Variants in PHACTR3 observed in about 807,000 individuals in gnomAD.
PHACTR3 encodes the protein phosphatase and actin regulator 3, also known as protein phosphatase 1, regulatory subunit 123.
In PHACTR3, 16 loss-of-function variants were observed where a neutral mutation model predicts 66.8. The ratio of observed to expected loss-of-function variants is 0.24; its 90% CI spans 0.16 to 0.36. PHACTR3 has a LOEUF of 0.36. Ranked by LOEUF, PHACTR3 falls within the 10% of genes least tolerant of loss-of-function variation. The pLI, the probability that PHACTR3 is intolerant of heterozygous loss-of-function variation, is 1.00. For missense variants in PHACTR3, 647 were observed against 719.9 expected (o/e 0.90, Z 1.16); for synonymous variants, 323 against 292.1 (o/e 1.11, Z -1.08).
chr20:59,822,861 C>T (rs56036172), intron 8 of PHACTR3, among the ~76,000 whole-genome samples: 92 of 152,246 alleles, frequency 6.0e-4, no homozygotes, highest in Admixed American at 1.4e-3. Flanking sequence ...GAGCGGCGGG[C>T]TGTTCAGGTC....
Position 59,593,663 on chromosome 20 carries a change from A to T in PHACTR3, c.109+16046A>T, listed in dbSNP as rs2033249106. 3.9e-5 allele frequency among the ~76,000 whole-genome samples: 6 copies of T among 152,272 alleles called. No homozygotes were observed. In the South Asian group the frequency reaches 1.2e-3, roughly 32 times the overall value. ...CATTTAGTTCTATGATATATTTTGA[A>T]TTAATTTTTGTGAAGGGTGTAAGGC... On this transcript the variant is annotated intron_variant, in intron 1 of 12. Transcript: ENST00000359926.
rs1364116410 is a variant in PHACTR3, at chr20:59,767,453, TATCCTACATTCATCCACCCATCC to T, written c.751+62_751+84del. On this transcript the variant is annotated intron_variant, in intron 5 of 12. Transcript: ENST00000371015. ...CCTTTCTCTGCCCCATCCATCCATC[TATCCTACATTCATCCACCCATCC>T]ATCATCTATCTATTTATTCACCCAT... 22 of 1,512,268 alleles carry T rather than the reference TATCCTACATTCATCCACCCATCC, an allele frequency of 1.5e-5. No homozygotes were observed. The African/African-American group carries it at 2.9e-4, about 20-fold the overall frequency. 93.7% of individuals were successfully genotyped at this position (1,512,268 alleles called of 1,614,324 possible).
chr20:59,632,959 G>A (rs1444382901), intron 1 of PHACTR3, among the ~76,000 whole-genome samples: 5 of 152,164 alleles, frequency 3.3e-5, no homozygotes, highest in Non-Finnish European at 7.3e-5. Context: ...TGCTGAGAAA[G>A]ACTGGCCTGC....
chr20:59,631,548 G>A, intron 1 of PHACTR3, among the ~76,000 whole-genome samples: 1 of 152,096 alleles, frequency 6.6e-6, no homozygotes, highest in Non-Finnish European at 1.5e-5. Flanking sequence ...GGGTGGGCAG[G>A]AGTTGCCAAC....
intron 1 of PHACTR3, among the ~76,000 whole-genome samples, chr20:59,682,044 T>A (rs1225078941): frequency 5.7e-5 from 8 of 140,800 alleles, no homozygotes; most frequent in African/African-American, 2.1e-4. Flanking sequence ...AAGAAAAAAA[T>A]AATCAGGCCT....
At chr20:59,734,260 CAATT>C (rs985897702) in intron 1 of PHACTR3, among the ~76,000 whole-genome samples, 17 of 152,228 alleles carry the variant, frequency 1.1e-4, no homozygotes, top group African/African-American at 3.9e-4. Context: ...AATGTAGAAT[CAATT>C]AATTTTTTTA....
chr20:59,723,103 TTTC>T (rs2038405085), intron 1 of PHACTR3, among the ~76,000 whole-genome samples: 1 of 149,182 alleles, frequency 6.7e-6, no homozygotes, highest in Non-Finnish European at 1.5e-5. Context: ...TCTTTCTTTC[TTTC>T]TTTCTTTCTT....
chr20:59,609,740 T>C (rs1459299569), intron 1 of PHACTR3, among the ~76,000 whole-genome samples: 1 of 152,198 alleles, frequency 6.6e-6, no homozygotes, highest in African/African-American at 2.4e-5. Flanking sequence ...TGTTCTCTTA[T>C]TCTGGAGTCC....
intron 1 of PHACTR3, among the ~76,000 whole-genome samples, chr20:59,685,484 GGTT>G (rs1568709945): frequency 6.6e-6 from 1 of 152,154 alleles, no homozygotes; most frequent in African/African-American, 2.4e-5. Context: ...CGTCTGGTAG[GGTT>G]GTTCTGAAGG....
At chr20:59,595,261 G>A (rs2033292978) in intron 1 of PHACTR3, among the ~76,000 whole-genome samples, 1 of 152,068 alleles carries the variant, frequency 6.6e-6, no homozygotes, top group African/African-American at 2.4e-5. Flanking sequence ...AGGAGTTCGA[G>A]ACCAGCCTGT....
At chr20:59,685,712 G>A (rs756411341) in intron 1 of PHACTR3, among the ~76,000 whole-genome samples, 6 of 152,140 alleles carry the variant, frequency 3.9e-5, no homozygotes, top group Admixed American at 6.5e-5. Context: ...CTTACCATTC[G>A]GTCAGCCCAT....
intron 9 of PHACTR3, among the ~76,000 whole-genome samples, chr20:59,839,017 A>T (rs1239786661): frequency 6.6e-6 from 1 of 151,872 alleles, no homozygotes; most frequent in Non-Finnish European, 1.5e-5. Flanking sequence ...CCTTCGTAGT[A>T]ATTATGGCAT....
intron 1 of PHACTR3, among the ~76,000 whole-genome samples, chr20:59,584,163 G>GT (rs1385671995): frequency 2.0e-5 from 3 of 152,228 alleles, no homozygotes; most frequent in African/African-American, 4.8e-5. Context: ...AGTGCCTTGG[G>GT]TGGTGCCCTT....
At chr20:59,584,962 C>A (rs547355620) in intron 1 of PHACTR3, among the ~76,000 whole-genome samples, 38 of 152,082 alleles carry the variant, frequency 2.5e-4, no homozygotes, top group Admixed American at 8.5e-4. Context: ...TTAAAAAACG[C>A]CTTCTCCAAA....
chr20:59,676,800 A>G, intron 1 of PHACTR3: 1 of 924,196 alleles, frequency 1.1e-6, no homozygotes, highest in Non-Finnish European at 1.3e-6. Flanking sequence ...GGTGAGGCAG[A>G]GGGCAGGGAC....
intron 1 of PHACTR3, among the ~76,000 whole-genome samples, chr20:59,610,411 C>T (rs961143421): frequency 6.6e-6 from 1 of 152,208 alleles, no homozygotes; most frequent in African/African-American, 2.4e-5. Flanking sequence ...CCAGGGGCAC[C>T]GTCCAGCCTC....
intron 1 of PHACTR3, among the ~76,000 whole-genome samples, chr20:59,740,063 G>C (rs772374680): frequency 3.9e-5 from 6 of 152,126 alleles, no homozygotes; most frequent in Non-Finnish European, 8.8e-5. Flanking sequence ...CAATGCCTTA[G>C]GATAGTCCTG....
chr20:59,617,112 T>A (rs902711203), intron 1 of PHACTR3, among the ~76,000 whole-genome samples: 2 of 152,174 alleles, frequency 1.3e-5, no homozygotes, highest in Non-Finnish European at 2.9e-5. Context: ...CTTTAGGGAT[T>A]TGTGTTGTTC....
At chr20:59,665,906 G>A (rs142810778) in intron 1 of PHACTR3, among the ~76,000 whole-genome samples, 1 of 152,308 alleles carries the variant, frequency 6.6e-6, no homozygotes, top group African/African-American at 2.4e-5. Context: ...GATGCCAGGG[G>A]ACTGCAAGAG....
Sources: allele counts gnomAD v4.1 joint callset (sites outside exome capture counted in the v4.1 genomes callset), GRCh38; gene constraint gnomAD v4.1.1; transcripts MANE v1.5; gene names NCBI Gene and HGNC (gene_info 2026-07-23, HGNC 2026-07-21).